ECRG4: variants seen among roughly 807,000 people sequenced by gnomAD.
ECRG4 encodes the protein ECRG4 augurin precursor, also known as augurin.
A neutral mutation model predicts 15.8 loss-of-function variants in ECRG4; 18 were observed. That is an observed-to-expected ratio of 1.14 (90% CI 0.79 to 1.69). The LOEUF (loss-of-function observed/expected upper bound fraction) is 1.69. Ranked by LOEUF, ECRG4 falls within the 40% of genes most tolerant of loss-of-function variation. The pLI is 0.00. For missense variants in ECRG4, 200 were observed against 190.9 expected (o/e 1.05, Z -0.28); for synonymous variants, 82 against 73.9 (o/e 1.11, Z -0.56).
chr2:106,075,338 A>C (rs1676462858), intron 3 of ECRG4, among the ~76,000 whole-genome samples: 2 of 152,350 alleles, frequency 1.3e-5, no homozygotes, highest in East Asian at 3.9e-4. Flanking sequence ...TTAAAAGTAT[A>C]TGTTTGCTTA....
At chr2:106,075,494 G>A (rs1676465918) in intron 3 of ECRG4, among the ~76,000 whole-genome samples, 2 of 152,236 alleles carry the variant, frequency 1.3e-5, no homozygotes, top group Non-Finnish European at 2.9e-5. Flanking sequence ...GGCCAAGGCA[G>A]GTGGATCACC....
upstream of ECRG4, among the ~76,000 whole-genome samples, chr2:106,063,759 T>C (rs1435567253): frequency 6.6e-6 from 1 of 152,130 alleles, no homozygotes; most frequent in African/African-American, 2.4e-5. Context: ...ATTTTTGCAT[T>C]TTTGTAGAGA....
At chr2:106,064,516 A>G (rs1194382906), upstream of ECRG4, among the ~76,000 whole-genome samples, 1 of 152,148 alleles carries the variant, frequency 6.6e-6, no homozygotes, top group Non-Finnish European at 1.5e-5. Flanking sequence ...CTTCTCTACT[A>G]AAAATACAAA....
At chr2:106,065,582 C>G (rs1211809064), upstream of ECRG4, 1 of 422,028 alleles carries the variant, frequency 2.4e-6, no homozygotes, top group East Asian at 3.9e-5. Flanking sequence ...CGCCCGTGCG[C>G]TGGGCGCAGC....
rs72943588 is a variant in ECRG4, at chr2:106,070,890, C to T, written c.80-954C>T. 3.0e-4 allele frequency: 141 copies of T among 470,986 alleles called. 1 individual carries two copies. Among genetic ancestry groups the T allele is most frequent in the African/African-American group, 2.5e-3 (124 of 50,158 alleles). The allele number at this position is 470,986 out of a possible 1,614,324, so 29.2% of individuals were successfully genotyped here. Reference sequence around the variant, plus strand: ...GGGCCTGACTCCAGTTCCTTACACCCGAAGTTGCTCTACTCACTACTTACG... The same window carrying T: ...GGGCCTGACTCCAGTTCCTTACACCTGAAGTTGCTCTACTCACTACTTACG... On this transcript the variant is annotated intron_variant, in intron 1 of 3. Transcript: ENST00000238044.
At chr2:106,073,835 AG>A in intron 2 of ECRG4, 50 bp from the exon 3 acceptor site, 3 of 1,588,916 alleles carry the variant, frequency 1.9e-6, no homozygotes, top group Non-Finnish European at 2.6e-6. Flanking sequence ...ACCGCAAGTG[AG>A]GAAGGAAGTC....
At position 106,074,220 on chromosome 2, in the gene ECRG4, G is replaced by A. The variant is rs111833097; in HGVS notation, c.285+177G>A. On this transcript the variant is annotated intron_variant, in intron 3 of 3. Transcript: ENST00000238044. ...GGATCATGTTACCTATGGTGTAAGG[G>A]CGATGGCTGGAAGTTTCCACCAGGG... 7.0e-3 allele frequency: 5,002 copies of A among 713,770 alleles called. 162 individuals carry two copies. In the African/African-American group the frequency reaches 0.07, roughly 10 times the overall value. 44.2% of individuals were successfully genotyped at this position (713,770 alleles called of 1,614,324 possible). A position where few individuals can be genotyped will look rare whatever the true frequency, so the allele number is the denominator to read the frequency against.
chr2:106,071,107 G>T, intron 1 of ECRG4: 1 of 446,558 alleles, frequency 2.2e-6, no homozygotes, highest in South Asian at 1.6e-5. Context: ...AGGGTGATCT[G>T]GGCAAGCTAC....
chr2:106,065,659 A>C, upstream of ECRG4: 1 of 836,666 alleles, frequency 1.2e-6, no homozygotes, highest in Non-Finnish European at 1.7e-6. Context: ...CGACGCAGGG[A>C]TAACCCGCGG....
chr2:106,075,509 G>C (rs1676466666), intron 3 of ECRG4, among the ~76,000 whole-genome samples: 1 of 152,182 alleles, frequency 6.6e-6, no homozygotes, highest in Non-Finnish European at 1.5e-5. Context: ...ATCACCTGAG[G>C]TCAGGAGTTC....
chr2:106,069,161 T>C (rs1638422003), intron 1 of ECRG4, among the ~76,000 whole-genome samples: 1 of 136,390 alleles, frequency 7.3e-6, no homozygotes, highest in Non-Finnish European at 1.6e-5. Context: ...TCTTTCTTTC[T>C]TTCTTTCTTT....
chr2:106,067,879 G>C (rs1185709217), intron 1 of ECRG4, among the ~76,000 whole-genome samples: 1 of 150,764 alleles, frequency 6.6e-6, no homozygotes, highest in Non-Finnish European at 1.5e-5. Context: ...TTGTTGCCTA[G>C]GCAGGAGTGC....
At chr2:106,075,425 G>A (rs1676464720) in intron 3 of ECRG4, among the ~76,000 whole-genome samples, 1 of 152,180 alleles carries the variant, frequency 6.6e-6, no homozygotes, top group African/African-American at 2.4e-5. Context: ...TGGGCATTAG[G>A]AGTTTAACAT....
At chr2:106,069,108 C>CT (rs1204235745) in intron 1 of ECRG4, among the ~76,000 whole-genome samples, 4 of 116,018 alleles carry the variant, frequency 3.4e-5, no homozygotes, top group African/African-American at 1.2e-4. Context: ...TCCTTCCTTC[C>CT]TTCTTTTTCT....
At position 106,078,050 on chromosome 2, in the gene ECRG4, T is replaced by G. The variant is rs1055213005; in HGVS notation, c.*124T>G. 3.3e-6 allele frequency: 3 copies of G among 901,514 alleles called. No individual in the cohort carries two copies. Among genetic ancestry groups the G allele is most frequent in the Admixed American group, 3.5e-5 (1 of 28,980 alleles). The allele number at this position is 901,514 out of a possible 1,614,324, so 55.8% of individuals were successfully genotyped here. On this transcript the variant is annotated 3_prime_UTR_variant, in exon 4 of 4. Coordinates refer to ENST00000238044, the MANE Select transcript of ECRG4 (RefSeq NM_032411.3). Reference sequence around the variant, plus strand: ...GCAGATCTTTTCTACCTACTTTGTGTGATCAAAAAAGAAGAGTTAAAACAA... The same window carrying G: ...GCAGATCTTTTCTACCTACTTTGTGGGATCAAAAAAGAAGAGTTAAAACAA...
At chr2:106,070,328 T>A (rs1473444417) in intron 1 of ECRG4, among the ~76,000 whole-genome samples, 1 of 152,176 alleles carries the variant, frequency 6.6e-6, no homozygotes, top group Non-Finnish European at 1.5e-5. Context: ...CCCCGTCCCA[T>A]CCCAGAGGGC....
At chr2:106,072,120 T>G in intron 2 of ECRG4, 1 of 500,032 alleles carries the variant, frequency 2.0e-6, no homozygotes, top group Non-Finnish European at 3.6e-6. Flanking sequence ...AACCTGTCAG[T>G]GTGGACTCAA....
In ECRG4 at chr2:106,077,837, C is replaced by A. The variant is rs1255040979; in HGVS notation, c.358C>A (p.Gln120Lys). 2.5e-6 allele frequency: 4 copies of A among 1,613,994 alleles called. No homozygotes were observed. Among genetic ancestry groups the A allele is most frequent in the South Asian group, 2.2e-5 (2 of 91,066 alleles). The change falls in exon 4 of 4, where the codon CAA becomes AAA. Residue 120 changes from glutamine (Q) to lysine (K), a missense_variant. By Grantham distance (53) the Gln-to-Lys change is moderately conservative (BLOSUM62 1). Coordinates refer to ENST00000238044, the MANE Select transcript of ECRG4 (RefSeq NM_032411.3). ...ACATGAATACTATGGCGATTACTAC[C>A]AACGTCACTATGATGAAGACTCTGC... ...NGHEYYGDYY[Q>K]RHYDEDSAIG...
At chr2:106,076,561 A>C (rs1051612510) in intron 3 of ECRG4, among the ~76,000 whole-genome samples, 9 of 152,136 alleles carry the variant, frequency 5.9e-5, no homozygotes, top group African/African-American at 2.2e-4. Flanking sequence ...CCCAGTACCC[A>C]CCAAGAGTGG....
Sources: allele counts gnomAD v4.1 joint callset (sites outside exome capture counted in the v4.1 genomes callset), GRCh38; gene constraint gnomAD v4.1.1; transcripts MANE v1.5; gene names NCBI Gene and HGNC (gene_info 2026-07-23, HGNC 2026-07-21).